The following OSBPL9 variants were observed in gnomAD, a reference collection of about 807,000 sequenced individuals.
The protein encoded by OSBPL9 is oxysterol-binding protein-related protein 9.
Under a neutral mutation model 106.6 loss-of-function variants are expected in OSBPL9, and 40 were observed. The ratio of observed to expected loss-of-function variants is 0.38; its 90% CI spans 0.29 to 0.49. The LOEUF (loss-of-function observed/expected upper bound fraction) is 0.49, where lower values mean the gene tolerates loss of function less well. Ranked by LOEUF, OSBPL9 falls within the 20% of genes least tolerant of loss-of-function variation. The probability of loss-of-function intolerance (pLI) is 0.97; values close to 1 mark genes in which losing one functional copy is unlikely to be tolerated. For missense variants in OSBPL9, 609 were observed against 887.2 expected (o/e 0.69, Z 3.98); for synonymous variants, 269 against 295.4 (o/e 0.91, Z 0.92).
At chr1:51,704,328 G>A (rs114218682) in intron 3 of OSBPL9, among the ~76,000 whole-genome samples, 1,598 of 152,174 alleles carry the variant, frequency 0.011, 23 homozygotes, top group African/African-American at 0.037. Flanking sequence ...GTTATTGGTC[G>A]GTCTATTCAG....
intron 4 of OSBPL9, among the ~76,000 whole-genome samples, chr1:51,720,792 ATTT>A (rs34137715): frequency 1.2e-4 from 12 of 101,126 alleles, no homozygotes; most frequent in African/African-American, 4.0e-4. Flanking sequence ...TCAAATTGGA[ATTT>A]TTTTTTTTTT....
intron 1 of OSBPL9, among the ~76,000 whole-genome samples, chr1:51,587,717 C>T (rs1645253480): frequency 6.6e-6 from 1 of 152,196 alleles, no homozygotes; most frequent in African/African-American, 2.4e-5. Context: ...TCATCCAAAC[C>T]TTGCATGTGC....
chr1:51,521,993 G>A, the OSBPL9 span, among the ~76,000 whole-genome samples: 1 of 152,068 alleles, frequency 6.6e-6, no homozygotes, highest in South Asian at 2.1e-4. Context: ...CTGACCTCAA[G>A]TGATCTGCCT....
intron 1 of OSBPL9, among the ~76,000 whole-genome samples, chr1:51,629,442 T>C (rs1351614068): frequency 1.3e-5 from 2 of 152,054 alleles, no homozygotes; most frequent in African/African-American, 4.8e-5. Context: ...CTGAGAAATT[T>C]GTTAGGTGAT....
intron 2 of OSBPL9, among the ~76,000 whole-genome samples, chr1:51,662,065 C>T (rs911745123): frequency 9.9e-5 from 15 of 152,120 alleles, no homozygotes; most frequent in African/African-American, 3.4e-4. Context: ...CCTGGCAAAC[C>T]AGGTCGTATG....
chr1:51,527,834 C>T, the OSBPL9 span, among the ~76,000 whole-genome samples: 11 of 151,846 alleles, frequency 7.2e-5, no homozygotes, highest in Middle Eastern at 3.4e-3. Flanking sequence ...GTAACTCAGC[C>T]GGGCACCGTG....
intron 8 of OSBPL9, among the ~76,000 whole-genome samples, chr1:51,754,946 A>G (rs1435746035): frequency 6.6e-6 from 1 of 152,166 alleles, no homozygotes; most frequent in Non-Finnish European, 1.5e-5. Flanking sequence ...AGCTGGGACT[A>G]CAGGTACTCA....
chr1:51,559,898 T>C, the OSBPL9 span, among the ~76,000 whole-genome samples: 3 of 152,086 alleles, frequency 2.0e-5, no homozygotes, highest in Non-Finnish European at 4.4e-5. Flanking sequence ...ATCCACATTC[T>C]TCAAATTAGA....
chr1:51,595,881 G>A lies in OSBPL9; in HGVS notation c.-422-2243G>A, dbSNP rs1645296848. Among the ~76,000 whole-genome samples, 8 of 152,110 alleles carry A rather than the reference G, an allele frequency of 5.3e-5. No homozygotes were observed. In the South Asian group the frequency reaches 1.7e-3, roughly 32 times the overall value. On this transcript the variant is annotated intron_variant, in intron 1 of 25. Transcript: ENST00000371714. Reference sequence around the variant, plus strand: ...AAGTAGCTTCCCAAGGTCACACAGAGATGGAATAGGGGCTAGAAACCAGGC... The same window carrying A: ...AAGTAGCTTCCCAAGGTCACACAGAAATGGAATAGGGGCTAGAAACCAGGC...
chr1:51,763,202 C>A (rs1671890796), intron 11 of OSBPL9, among the ~76,000 whole-genome samples: 1 of 152,200 alleles, frequency 6.6e-6, no homozygotes, highest in Admixed American at 6.5e-5. Flanking sequence ...GACGGCATTT[C>A]ACTATGTTGG....
the OSBPL9 span, chr1:51,519,116 A>G: frequency 4.1e-6 from 4 of 983,104 alleles, no homozygotes; most frequent in Non-Finnish European, 5.7e-6. Flanking sequence ...CTTGGCCCAC[A>G]AGCCAAGAAG....
intron 2 of OSBPL9, among the ~76,000 whole-genome samples, chr1:51,658,559 A>G (rs1479133338): frequency 6.6e-6 from 1 of 152,214 alleles, no homozygotes; most frequent in Non-Finnish European, 1.5e-5. Context: ...TACTCCATCC[A>G]GTGAAACTAA....
At chr1:51,526,275 G>T in the OSBPL9 span, among the ~76,000 whole-genome samples, 1 of 152,170 alleles carries the variant, frequency 6.6e-6, no homozygotes, top group Non-Finnish European at 1.5e-5. Flanking sequence ...CCTACCGTGG[G>T]TAAAGTATGT....
chr1:51,728,507 T>C (rs906766324), intron 4 of OSBPL9, among the ~76,000 whole-genome samples: 10 of 152,002 alleles, frequency 6.6e-5, no homozygotes, highest in Admixed American at 2.0e-4. Flanking sequence ...ATGGTTTGCG[T>C]ATTAGGGTGG....
chr1:51,698,576 C>T (rs1335189843), intron 3 of OSBPL9, among the ~76,000 whole-genome samples: 3 of 152,028 alleles, frequency 2.0e-5, no homozygotes, highest in Non-Finnish European at 2.9e-5. Context: ...ATTTGGAGCC[C>T]ACTGGCTTAG....
chr1:51,718,420 C>T (rs1473867825), intron 4 of OSBPL9, among the ~76,000 whole-genome samples: 3 of 152,150 alleles, frequency 2.0e-5, no homozygotes, highest in Non-Finnish European at 4.4e-5. Context: ...GTGATTATTA[C>T]TTATTTCATG....
chr1:51,589,904 G>A (rs938618253), intron 1 of OSBPL9, among the ~76,000 whole-genome samples: 1 of 151,706 alleles, frequency 6.6e-6, no homozygotes, highest in Non-Finnish European at 1.5e-5. Context: ...GTGGTGGCAG[G>A]TGCCTGTAAT....
At position 51,737,545 on chromosome 1, in the gene OSBPL9, G is replaced by T. The variant is rs1017176295; in HGVS notation, c.319-7991G>T. On this transcript the variant is annotated intron_variant, in intron 4 of 23. Coordinates refer to ENST00000428468, the MANE Select transcript of OSBPL9 (RefSeq NM_024586.6). ...TTTGTTTCATGTGTTATATTTCAGGGGTGTGTGTGTGTGTGTGTGTGTGTG... is the reference window on the plus strand; with the variant it reads ...TTTGTTTCATGTGTTATATTTCAGGTGTGTGTGTGTGTGTGTGTGTGTGTG... Among the ~76,000 whole-genome samples, 8 of 142,534 alleles carry T rather than the reference G, an allele frequency of 5.6e-5. No individual in the cohort carries two copies. The East Asian group carries it at 1.7e-3, about 30-fold the overall frequency. The allele number at this position is 142,534 out of a possible 152,430, so 93.5% of individuals were successfully genotyped here. A position where few individuals can be genotyped will look rare whatever the true frequency, so the allele number is the denominator to read the frequency against.
intron 2 of OSBPL9, among the ~76,000 whole-genome samples, chr1:51,605,990 C>CGA (rs369695331): frequency 1.0e-3 from 136 of 129,946 alleles, no homozygotes; most frequent in African/African-American, 2.6e-3. Context: ...AGAAAGAGAG[C>CGA]GAGAGAGAGA....
Sources: allele counts gnomAD v4.1 joint callset (sites outside exome capture counted in the v4.1 genomes callset), GRCh38; gene constraint gnomAD v4.1.1; transcripts MANE v1.5; gene names NCBI Gene and HGNC (gene_info 2026-07-23, HGNC 2026-07-21).